The following AGR2 variants were observed in gnomAD, a reference collection of about 807,000 sequenced individuals.
AGR2 encodes the protein anterior gradient 2, protein disulphide isomerase family member.
In AGR2, 27 loss-of-function variants were observed where a neutral mutation model predicts 25.9. The observed-to-expected ratio is 1.04, with a 90% CI of 0.77 to 1.44. The LOEUF is 1.44. Among genes scored for constraint, AGR2 ranks in the 40% most tolerant of loss-of-function variants. AGR2 has a pLI of 0.00. For synonymous variants in AGR2, 78 were observed against 72.0 expected, an observed-to-expected ratio of 1.08 and a Z score of -0.42; for missense variants, 182 against 200.9, an observed-to-expected ratio of 0.91 and a Z score of 0.57.
At chr7:16,795,208 T>C (rs1381164004) in intron 6 of AGR2, among the ~76,000 whole-genome samples, 189 bp from the exon 7 acceptor site, 1 of 152,130 alleles carries the variant, frequency 6.6e-6, no homozygotes, top group Non-Finnish European at 1.5e-5. Flanking sequence ...AATGCAGGGC[T>C]GGAAACATCA....
At chr7:16,798,988 C>T (rs1187849357) in intron 5 of AGR2, among the ~76,000 whole-genome samples, 11 of 151,922 alleles carry the variant, frequency 7.2e-5, no homozygotes, top group Non-Finnish European at 1.2e-4. Context: ...ATTAGTGTGT[C>T]GGAATTGATT....
chr7:16,801,922 A>G, intron 1 of AGR2, 119 bp from the exon 2 acceptor site: 1 of 790,334 alleles, frequency 1.3e-6, no homozygotes, highest in Non-Finnish European at 1.9e-6. Flanking sequence ...GAGACTGGAC[A>G]TACGAGATTG....
chr7:16,795,015 T>G lies in AGR2; in HGVS notation c.399A>C (p.Pro133=). 1 of 1,614,112 alleles carries G rather than the reference T, an allele frequency of 6.2e-7. No homozygotes were observed. The highest frequency in any genetic ancestry group is 2.2e-5 in the East Asian group (1 of 44,888). The change falls in exon 7 of 8, where the codon CCA becomes CCC. Residue 133 remains proline (P), a synonymous_variant. Coordinates refer to ENST00000419304, the MANE Select transcript of AGR2 (RefSeq NM_006408.4). ...TGATATCGGCTCTAACTGTCAGAGA[T>G]GGGTCTGCAAAGATAAATGAAGCAA... The part of the protein sequence containing the change: ...QYVPRIMFVD[P]SLTVRADITG...
chr7:16,792,991 C>T lies in AGR2; in HGVS notation c.479-34G>A, dbSNP rs768027549. The T allele has an allele frequency of 3.8e-6, 6 of 1,591,192 alleles. No homozygotes were observed. The South Asian group carries it at 5.5e-5, about 15-fold the overall frequency. On this transcript the variant is annotated intron_variant, in intron 7 of 7. Transcript: ENST00000419304. ...GGATAAAAGCAGGAGAGTCAAGACACCATCGTGCGTTATATCGATATAATA... is the reference window on the plus strand; with the variant it reads ...GGATAAAAGCAGGAGAGTCAAGACATCATCGTGCGTTATATCGATATAATA...
chr7:16,803,907 A>C (rs1785191181), intron 1 of AGR2, among the ~76,000 whole-genome samples: 1 of 151,172 alleles, frequency 6.6e-6, no homozygotes, highest in Non-Finnish European at 1.5e-5. Context: ...TTTATCTTTT[A>C]TTTATAACAG....
intron 7 of AGR2, among the ~76,000 whole-genome samples, chr7:16,793,947 G>T (rs998816236): frequency 1.3e-5 from 2 of 152,192 alleles, no homozygotes; most frequent in African/African-American, 4.8e-5. Context: ...GATATTACTT[G>T]TGTAGGACAC....
chr7:16,796,210 G>A (rs1429207747), intron 6 of AGR2, among the ~76,000 whole-genome samples: 1 of 152,196 alleles, frequency 6.6e-6, no homozygotes, highest in African/African-American at 2.4e-5. Flanking sequence ...AGCTAGAAGA[G>A]CAAGCTGCCT....
chr7:16,797,545 C>A, intron 6 of AGR2, 86 bp downstream of exon 6: 1 of 1,166,446 alleles, frequency 8.6e-7, no homozygotes, highest in East Asian at 2.4e-5. Flanking sequence ...GCCATGGCAA[C>A]GTGGCAAGGG....
intron 6 of AGR2, among the ~76,000 whole-genome samples, chr7:16,795,458 T>A (rs1414067594): frequency 2.0e-5 from 3 of 151,888 alleles, no homozygotes; most frequent in Non-Finnish European, 4.4e-5. Flanking sequence ...ACGAGTTTTT[T>A]AAAAAAAGTT....
chr7:16,798,179 G>A (rs1257301475), intron 5 of AGR2, among the ~76,000 whole-genome samples: 1 of 152,198 alleles, frequency 6.6e-6, no homozygotes, highest in Non-Finnish European at 1.5e-5. Context: ...GGATGCAGTG[G>A]GTGAAATGTT....
At chr7:16,795,217 C>T (rs544715608) in intron 6 of AGR2, among the ~76,000 whole-genome samples, 198 bp from the exon 7 acceptor site, 2 of 152,226 alleles carry the variant, frequency 1.3e-5, no homozygotes, top group South Asian at 2.1e-4. Flanking sequence ...CTGGAAACAT[C>T]AACAGCTGTG....
intron 6 of AGR2, among the ~76,000 whole-genome samples, chr7:16,796,183 CAGGGTGGCTACTACGGAGCTAGAAGAGCA>C (rs1424535128): frequency 2.0e-5 from 3 of 152,132 alleles, no homozygotes; most frequent in Non-Finnish European, 4.4e-5. Context: ...AACATGTAGT[CAGGGTGGCTACTACGGAGCTAGAAGAGCA>C]AGCTGCCTTG....
chr7:16,802,907 A>G (rs1785174938), intron 1 of AGR2, among the ~76,000 whole-genome samples: 1 of 152,048 alleles, frequency 6.6e-6, no homozygotes, highest in Non-Finnish European at 1.5e-5. Flanking sequence ...ATCGTGGCTC[A>G]CTGCAACCTC....
In AGR2 at chr7:16,792,637, A is replaced by T; in HGVS notation, c.*271T>A. 1 of 402,442 alleles carries T rather than the reference A, an allele frequency of 2.5e-6. No individual in the cohort carries two copies. The highest frequency in any genetic ancestry group is 4.5e-6 in the Non-Finnish European group (1 of 223,296). 24.9% of individuals were successfully genotyped at this position (402,442 alleles called of 1,614,324 possible). On this transcript the variant is annotated 3_prime_UTR_variant, in exon 8 of 8. Transcript: ENST00000419304. Reference sequence around the variant, plus strand: ...GGTAAACGAACCACTGTGAAAGACCAAGTTGGAGAAAACAGAACACCCCCA... The same window carrying T: ...GGTAAACGAACCACTGTGAAAGACCTAGTTGGAGAAAACAGAACACCCCCA...
At chr7:16,797,527 T>C (rs1224641627) in intron 6 of AGR2, 104 bp downstream of exon 6, 1 of 870,328 alleles carries the variant, frequency 1.1e-6, no homozygotes, top group African/African-American at 1.7e-5. Flanking sequence ...AGCTTAGTGA[T>C]GACATTGGCC....
At chr7:16,793,058 C>CTT in intron 7 of AGR2, 101 bp from the exon 8 acceptor site, 14 of 1,002,660 alleles carry the variant, frequency 1.4e-5, no homozygotes, top group Admixed American at 2.3e-5. Context: ...TAATGGGATG[C>CTT]TTTTTTTTTT....
rs774229887 is a variant in AGR2 at position 16,801,271 on chromosome 7, T to A, written c.203+49A>T. 1.9e-6 allele frequency: 3 copies of A among 1,608,186 alleles called. No individual in the cohort carries two copies. The South Asian group carries it at 3.3e-5, about 18-fold the overall frequency. On this transcript the variant is annotated intron_variant, in intron 3 of 7. Transcript: ENST00000419304. ...TCACATATATCTAGATGTCACTAGG[T>A]GGTGCTCTTGAGAGCTTTGAGGGAG...
At chr7:16,798,930 G>A (rs998491821) in intron 5 of AGR2, among the ~76,000 whole-genome samples, 1 of 152,220 alleles carries the variant, frequency 6.6e-6, no homozygotes, top group Non-Finnish European at 1.5e-5. Context: ...AATATGGTTG[G>A]ATAGACAATT....
chr7:16,804,752 G>C (rs1785205524), intron 1 of AGR2, among the ~76,000 whole-genome samples, 183 bp downstream of exon 1: 1 of 150,858 alleles, frequency 6.6e-6, no homozygotes, highest in African/African-American at 2.5e-5. Flanking sequence ...GCCAGCTCTA[G>C]CCAAAGAAAG....
Sources: allele counts gnomAD v4.1 joint callset (sites outside exome capture counted in the v4.1 genomes callset), GRCh38; gene constraint gnomAD v4.1.1; transcripts MANE v1.5; gene names NCBI Gene and HGNC (gene_info 2026-07-23, HGNC 2026-07-21).